SPACA7: variants seen among roughly 807,000 people sequenced by gnomAD.
SPACA7 encodes sperm acrosome-associated protein 7.
SPACA7 carries 19 observed loss-of-function variants against 26.3 expected under a neutral mutation model. The observed-to-expected ratio is 0.72, with a 90% confidence interval of 0.50 to 1.06. The LOEUF is 1.06. Ranked by LOEUF, SPACA7 falls within the 50% of genes least tolerant of loss-of-function variation. The pLI, the probability that SPACA7 is intolerant of heterozygous loss-of-function variation, is 0.00. For missense variants in SPACA7, 211 were observed against 229.9 expected (o/e 0.92, Z 0.53); for synonymous variants, 84 against 84.5 (o/e 0.99, Z 0.04).
chr13:112,431,718 T>C (rs989885830), intron 5 of SPACA7, among the ~76,000 whole-genome samples: 3 of 152,208 alleles, frequency 2.0e-5, no homozygotes, highest in African/African-American at 7.2e-5. Context: ...TTGGGAGAAC[T>C]AAAGAGAGGT....
intron 5 of SPACA7, among the ~76,000 whole-genome samples, chr13:112,424,761 G>C (rs1388099801): frequency 6.6e-6 from 1 of 152,146 alleles, no homozygotes; most frequent in Non-Finnish European, 1.5e-5. Context: ...AAGATGACAG[G>C]AACACAAGAG....
chr13:112,386,334 C>G (rs571678099), intron 1 of SPACA7, among the ~76,000 whole-genome samples: 104 of 152,308 alleles, frequency 6.8e-4, no homozygotes, highest in African/African-American at 2.3e-3. Flanking sequence ...TTATTACACA[C>G]CAAAGCTTTT....
chr13:112,423,358 T>C (rs143169365), intron 5 of SPACA7, among the ~76,000 whole-genome samples: 95 of 152,308 alleles, frequency 6.2e-4, no homozygotes, highest in African/African-American at 2.2e-3. Flanking sequence ...CTTAAAATTA[T>C]TCATGGCATA....
intron 5 of SPACA7, among the ~76,000 whole-genome samples, chr13:112,411,337 C>A (rs1167505005): frequency 4.6e-5 from 7 of 152,000 alleles, no homozygotes; most frequent in Non-Finnish European, 8.8e-5. Flanking sequence ...CACATATTTA[C>A]AGGACACATT....
intron 1 of SPACA7, among the ~76,000 whole-genome samples, chr13:112,379,667 A>T (rs1594231347): frequency 6.6e-6 from 1 of 152,220 alleles, no homozygotes; most frequent in Non-Finnish European, 1.5e-5. Context: ...CTTTTTACGA[A>T]TTTAATGTAT....
intron 1 of SPACA7, among the ~76,000 whole-genome samples, chr13:112,377,464 A>G (rs1883768422): frequency 6.6e-6 from 1 of 152,216 alleles, no homozygotes; most frequent in South Asian, 2.1e-4. Flanking sequence ...TTCACCCTCT[A>G]GTTCAATTAT....
At chr13:112,391,361 G>T (rs1884876320) in intron 1 of SPACA7, among the ~76,000 whole-genome samples, 1 of 152,210 alleles carries the variant, frequency 6.6e-6, no homozygotes, top group Admixed American at 6.5e-5. Context: ...AAATTGAGTT[G>T]ACCATGTTTT....
intron 5 of SPACA7, among the ~76,000 whole-genome samples, chr13:112,408,120 CAT>C (rs1263415213): frequency 6.6e-6 from 1 of 152,170 alleles, no homozygotes. Flanking sequence ...GAAAAAACCA[CAT>C]GATTATCTCA....
intron 5 of SPACA7, among the ~76,000 whole-genome samples, chr13:112,431,800 C>T (rs1036290803): frequency 2.0e-5 from 3 of 152,134 alleles, no homozygotes; most frequent in African/African-American, 7.2e-5. Context: ...CTGTAGGGTG[C>T]CCCCCACTAG....
chr13:112,433,259 A>G (rs2139095354), intron 6 of SPACA7, among the ~76,000 whole-genome samples: 1 of 146,688 alleles, frequency 6.8e-6, no homozygotes, highest in African/African-American at 2.5e-5. Flanking sequence ...AACTCCAAAG[A>G]CTTTGGCAAA....
chr13:112,392,158 C>T (rs752310238), intron 1 of SPACA7, among the ~76,000 whole-genome samples: 6 of 152,090 alleles, frequency 3.9e-5, no homozygotes, highest in Non-Finnish European at 8.8e-5. Flanking sequence ...CAAAGCAATG[C>T]CCCAGGACGC....
intron 2 of SPACA7, 34 bp downstream of exon 2, chr13:112,393,111 T>A: frequency 6.4e-7 from 1 of 1,566,774 alleles, no homozygotes. Flanking sequence ...CTCTGGCCTG[T>A]ACGTGAAGAG....
chr13:112,429,940 A>T (rs1477877559), intron 5 of SPACA7, among the ~76,000 whole-genome samples: 1 of 152,234 alleles, frequency 6.6e-6, no homozygotes, highest in African/African-American at 2.4e-5. Context: ...TAAGTCTACT[A>T]TTCCCCACTA....
chr13:112,415,370 C>T (rs6577080), intron 5 of SPACA7, among the ~76,000 whole-genome samples: 3 of 152,036 alleles, frequency 2.0e-5, no homozygotes, highest in Admixed American at 6.5e-5. Flanking sequence ...TCGAGGCTCA[C>T]GGTCACTTTA....
At chr13:112,382,476 G>C in intron 1 of SPACA7, 2 of 1,550,432 alleles carry the variant, frequency 1.3e-6, no homozygotes, top group South Asian at 1.2e-5. Context: ...CCACTGACAG[G>C]GGACGTAGTG....
chr13:112,422,262 C>T (rs555969667), intron 5 of SPACA7, among the ~76,000 whole-genome samples: 1 of 152,256 alleles, frequency 6.6e-6, no homozygotes, highest in South Asian at 2.1e-4. Context: ...AATATCTATG[C>T]ACTATCCACC....
At chr13:112,424,322 A>G (rs530326703) in intron 5 of SPACA7, among the ~76,000 whole-genome samples, 1 of 152,134 alleles carries the variant, frequency 6.6e-6, no homozygotes, top group Admixed American at 6.5e-5. Context: ...TAGCCTTCTC[A>G]TCACACTGAA....
intron 5 of SPACA7, among the ~76,000 whole-genome samples, chr13:112,405,760 A>G (rs1885949712): frequency 6.6e-6 from 1 of 152,142 alleles, no homozygotes; most frequent in African/African-American, 2.4e-5. Context: ...TAGTGTAAAA[A>G]TTCTCTATTA....
intron 5 of SPACA7, among the ~76,000 whole-genome samples, chr13:112,419,471 A>C (rs1227908520): frequency 6.6e-6 from 1 of 152,172 alleles, no homozygotes; most frequent in Non-Finnish European, 1.5e-5. Flanking sequence ...CCACTTTCTC[A>C]GTAGCTCTGA....
Sources: allele counts gnomAD v4.1 joint callset (sites outside exome capture counted in the v4.1 genomes callset), GRCh38; gene constraint gnomAD v4.1.1; transcripts MANE v1.5; gene names NCBI Gene and HGNC (gene_info 2026-07-23, HGNC 2026-07-21).